The following CACNG1 variants were observed in gnomAD, a reference collection of about 807,000 sequenced individuals.
The protein encoded by CACNG1 is calcium voltage-gated channel auxiliary subunit gamma 1.
Under a neutral mutation model 22.0 loss-of-function variants are expected in CACNG1, and 21 were observed. The observed-to-expected ratio is 0.95, with a 90% CI of 0.68 to 1.37. The LOEUF (loss-of-function observed/expected upper bound fraction) is 1.37, where lower values mean the gene tolerates loss of function less well. CACNG1 is among the 40% of genes most tolerant of loss of function. The pLI is 0.00. For missense variants in CACNG1, 291 were observed against 308.6 expected, an observed-to-expected ratio of 0.94 and a Z score of 0.43; for synonymous variants, 127 against 129.2, an observed-to-expected ratio of 0.98 and a Z score of 0.12.
chr17:67,056,131 T>C lies in CACNG1; in HGVS notation c.529T>C (p.Tyr177His), dbSNP rs781551661. The change falls in exon 4 of 4, where the codon TAT (tyrosine) becomes CAT (histidine). Residue 177 changes from tyrosine (Y) to histidine (H), a missense_variant. Transcript: ENST00000226021. The surrounding 1 kb of genome is among the most constrained non-coding windows in gnomAD (Gnocchi z 4.3). ...TGAGGACACCGTCTGGATCGAGTAC[T>C]ATTACTCCTGGTCCTTTGCCTGCGC... ...DSEDTVWIEY[Y>H]YSWSFACACA... 1 of 1,613,740 alleles carries C rather than the reference T, an allele frequency of 6.2e-7. No individual in the cohort carries two copies. The highest frequency in any genetic ancestry group is 8.5e-7 in the Non-Finnish European group (1 of 1,179,950).
At chr17:67,045,524 C>CTTTTTTTT (rs71367200) in intron 1 of CACNG1, among the ~76,000 whole-genome samples, 6 of 109,700 alleles carry the variant, frequency 5.5e-5, no homozygotes, top group African/African-American at 1.9e-4. Flanking sequence ...CCCCCACCTT[C>CTTTTTTTT]TTTTTTTTTT....
chr17:67,053,428 G>A (rs1008004023), intron 1 of CACNG1, among the ~76,000 whole-genome samples: 4 of 152,238 alleles, frequency 2.6e-5, no homozygotes, highest in Admixed American at 1.3e-4. Context: ...CAGGTTTGGG[G>A]TTGATCCAGG....
At chr17:67,050,347 G>C (rs1187069268) in intron 1 of CACNG1, among the ~76,000 whole-genome samples, 1 of 152,240 alleles carries the variant, frequency 6.6e-6, no homozygotes, top group Non-Finnish European at 1.5e-5. Flanking sequence ...TCTAGGGTCA[G>C]GTCTTGGAGA....
At chr17:67,048,772 A>C (rs951111083) in intron 1 of CACNG1, among the ~76,000 whole-genome samples, 1 of 152,232 alleles carries the variant, frequency 6.6e-6, no homozygotes. Flanking sequence ...TGAAAAGTAC[A>C]ATAACTAAAA....
intron 1 of CACNG1, among the ~76,000 whole-genome samples, chr17:67,047,004 C>T (rs2035701446): frequency 1.3e-5 from 2 of 152,294 alleles, no homozygotes; most frequent in African/African-American, 2.4e-5. Flanking sequence ...CTTTTTCCCT[C>T]TCTTTTCTCT....
chr17:67,045,079 C>T (rs1470198045), intron 1 of CACNG1, among the ~76,000 whole-genome samples, 190 bp downstream of exon 1: 3 of 152,224 alleles, frequency 2.0e-5, no homozygotes, highest in Admixed American at 2.0e-4. Flanking sequence ...GGTTGTAAGA[C>T]GAGGGCGTTT....
Position 67,044,849 on chromosome 17 carries a change from G to A in CACNG1, c.189G>A (p.Met63Ile), listed in dbSNP as rs757497750. 78 of 1,613,208 alleles carry A rather than the reference G, an allele frequency of 4.8e-5. No individual in the cohort carries two copies. Among genetic ancestry groups the A allele is most frequent in the Non-Finnish European group, 6.4e-5 (75 of 1,180,028 alleles). The change falls in exon 1 of 4, where the codon ATG (methionine) becomes ATA (isoleucine). Residue 63 changes from methionine to isoleucine, a missense_variant. Coordinates refer to ENST00000226021, the MANE Select transcript of CACNG1 (RefSeq NM_000727.4). The surrounding 1 kb of genome is among the most constrained non-coding windows in gnomAD (Gnocchi z 6.9). ...LWRICTKRIP[M>I]DDSKTCGPIT... ...GGATTTGTACCAAGCGCATCCCCAT[G>A]GACGACAGCAAGACCTGCGGGCCCA...
rs149987398 is a variant in CACNG1, at chr17:67,054,246, C to T, written c.304+176C>T. ...CCCCGCTCCGGAGGCCCCAGGCAGC[C>T]GCCTTCCATCTCCAGGGCCCGGAGC... On this transcript the variant is annotated intron_variant, in intron 2 of 3. Transcript: ENST00000226021. This position sits in a 1 kb window ranked among gnomAD's most constrained non-coding sequence, Gnocchi z 4.6. 2.6e-4 allele frequency among the ~76,000 whole-genome samples: 40 copies of T among 152,324 alleles called. No individual in the cohort carries two copies. Among genetic ancestry groups the T allele is most frequent in the African/African-American group, 9.1e-4 (38 of 41,568 alleles).
At position 67,055,113 on chromosome 17, in the gene CACNG1, C is replaced by T. The variant is rs2035753157; in HGVS notation, c.315C>T (p.Ile105=). Residue 105 remains isoleucine (I), a synonymous_variant, in exon 3 of 4, where the codon ATC becomes ATT. Coordinates refer to ENST00000226021, the MANE Select transcript of CACNG1 (RefSeq NM_000727.4). This position sits in a 1 kb window ranked among gnomAD's most constrained non-coding sequence, Gnocchi z 4.5. ...FEFTTQKEYS[I]SAAAIAIFSL... ...CCCTTGTGTTTGCAGAGTACAGCATCTCGGCAGCCGCCATCGCCATCTTCA... is the reference window on the plus strand; with the variant it reads ...CCCTTGTGTTTGCAGAGTACAGCATTTCGGCAGCCGCCATCGCCATCTTCA... 6.2e-7 allele frequency: 1 copy of T among 1,613,928 alleles called. No homozygotes were observed. The highest frequency in any genetic ancestry group is 8.5e-7 in the Non-Finnish European group (1 of 1,179,944).
At chr17:67,053,293 G>T (rs755691794) in intron 1 of CACNG1, among the ~76,000 whole-genome samples, 16 of 152,212 alleles carry the variant, frequency 1.1e-4, no homozygotes, top group Non-Finnish European at 7.3e-5. Context: ...ATTTTAAGGG[G>T]CCTGGAGCAG....
chr17:67,044,799 G>A lies in CACNG1; in HGVS notation c.139G>A (p.Glu47Lys), dbSNP rs868454299. The A allele has an allele frequency of 1.3e-5, 21 of 1,613,408 alleles. No homozygotes were observed. The highest frequency in any genetic ancestry group is 2.2e-5 in the East Asian group (1 of 44,872). The part of the protein sequence containing the change: ...PHMEHHNTTC[E>K]AAHFGLWRIC... ...CATGGAGCACCACAACACTACCTGC[G>A]AGGCGGCCCACTTCGGCCTCTGGCG... is the stretch of plus-strand genomic sequence containing the variant. Residue 47 changes from glutamate to lysine, a missense_variant, in exon 1 of 4, where the codon GAG (glutamate) becomes AAG (lysine). Coordinates refer to ENST00000226021, the MANE Select transcript of CACNG1 (RefSeq NM_000727.4). This position sits in a 1 kb window ranked among gnomAD's most constrained non-coding sequence, Gnocchi z 6.9.
At chr17:67,045,524 CTT>C (rs71367200) in intron 1 of CACNG1, among the ~76,000 whole-genome samples, 35 of 109,686 alleles carry the variant, frequency 3.2e-4, no homozygotes, top group South Asian at 6.0e-4. Flanking sequence ...CCCCCACCTT[CTT>C]TTTTTTTTTT....
rs774814035 is a variant in CACNG1, at chr17:67,054,073, G to A, written c.304+3G>A. On this transcript the variant is annotated splice_donor_region_variant and intron_variant, in intron 2 of 3. Transcript: ENST00000226021. This position sits in a 1 kb window ranked among gnomAD's most constrained non-coding sequence, Gnocchi z 4.6. ...CTTCGAATTCACCACTCAGAAGGGT[G>A]AGCCTGGGTGGAAAGGGGTCTGGGG... 54 of 1,613,310 alleles carry A rather than the reference G, an allele frequency of 3.3e-5. No individual in the cohort carries two copies. The highest frequency in any genetic ancestry group is 2.2e-4 in the Admixed American group (13 of 60,010).
intron 1 of CACNG1, among the ~76,000 whole-genome samples, chr17:67,048,638 T>C (rs573856442): frequency 8.5e-5 from 13 of 152,244 alleles, no homozygotes; most frequent in African/African-American, 3.1e-4. Context: ...AAATCAGCTA[T>C]AGTAAATATA....
Position 67,044,942 on chromosome 17 carries a change from C to A in CACNG1, c.229+53C>A. 2.7e-6 allele frequency: 4 copies of A among 1,468,156 alleles called. No homozygotes were observed. The South Asian group carries it at 3.6e-5, about 13-fold the overall frequency. The allele number at this position is 1,468,156 out of a possible 1,614,324, so 90.9% of individuals were successfully genotyped here. On this transcript the variant is annotated intron_variant, in intron 1 of 3. Coordinates refer to ENST00000226021, the MANE Select transcript of CACNG1 (RefSeq NM_000727.4). This position sits in a 1 kb window ranked among gnomAD's most constrained non-coding sequence, Gnocchi z 6.9. Reference sequence around the variant, plus strand: ...CCCACCTCCTGCTCTTCCCCGTCATCCCCCTGGCAAAGTTGCCCTTGCGAA... The same window carrying A: ...CCCACCTCCTGCTCTTCCCCGTCATACCCCTGGCAAAGTTGCCCTTGCGAA...
Position 67,056,316 on chromosome 17 carries a change from C to A in CACNG1, c.*45C>A. 1 of 1,576,436 alleles carries A rather than the reference C, an allele frequency of 6.3e-7. No homozygotes were observed. Among genetic ancestry groups the A allele is most frequent in the Non-Finnish European group, 8.7e-7 (1 of 1,148,696 alleles). Reference sequence around the variant, plus strand: ...ACCCTCAGGCTTCTTCCCCAGGAAGCGGGGTCTTGGCCTGGAACCTTCCAG... The same window carrying A: ...ACCCTCAGGCTTCTTCCCCAGGAAGAGGGGTCTTGGCCTGGAACCTTCCAG... On this transcript the variant is annotated 3_prime_UTR_variant, in exon 4 of 4. Transcript: ENST00000226021. This position sits in a 1 kb window ranked among gnomAD's most constrained non-coding sequence, Gnocchi z 4.3.
intron 1 of CACNG1, among the ~76,000 whole-genome samples, chr17:67,048,326 CAA>C (rs80024812): frequency 6.8e-5 from 9 of 133,218 alleles, no homozygotes; most frequent in South Asian, 4.6e-4. Flanking sequence ...AAAAAAAAAA[CAA>C]AAAAAAAACC....
At chr17:67,053,607 T>TG (rs903309467) in intron 1 of CACNG1, among the ~76,000 whole-genome samples, 30 of 152,220 alleles carry the variant, frequency 2.0e-4, no homozygotes, top group Admixed American at 5.9e-4. Flanking sequence ...AAGTGTCCCC[T>TG]GGGGGGGCAG....
In CACNG1 at chr17:67,054,105, G is replaced by C. The variant is rs538457383; in HGVS notation, c.304+35G>C. On this transcript the variant is annotated intron_variant, in intron 2 of 3. Coordinates refer to ENST00000226021, the MANE Select transcript of CACNG1 (RefSeq NM_000727.4). This position sits in a 1 kb window ranked among gnomAD's most constrained non-coding sequence, Gnocchi z 4.6. ...GGTGGAAAGGGGTCTGGGGTGACAA[G>C]AGGGGACTTCTGTGTTGTGCACCAC... 24 of 1,550,432 alleles carry C rather than the reference G, an allele frequency of 1.5e-5. 1 individual carries two copies. In the South Asian group the frequency reaches 2.7e-4, roughly 17 times the overall value.
Sources: allele counts gnomAD v4.1 joint callset (sites outside exome capture counted in the v4.1 genomes callset), GRCh38; gene constraint gnomAD v4.1.1; non-coding constraint Gnocchi (gnomAD v3.1); transcripts MANE v1.5; gene names NCBI Gene and HGNC (gene_info 2026-07-23, HGNC 2026-07-21).